The following SMYD3 variants were observed in gnomAD, a reference collection of about 807,000 sequenced individuals.
The protein encoded by SMYD3 is SET and MYND domain containing 3.
Under a neutral mutation model 57.7 loss-of-function variants are expected in SMYD3, and 36 were observed. The observed-to-expected ratio is 0.62, with a 90% CI of 0.48 to 0.82. The LOEUF is 0.82. Among genes scored for constraint, SMYD3 ranks in the 40% least tolerant of loss-of-function variants. The pLI is 0.00. For synonymous variants in SMYD3, 211 were observed against 195.0 expected (o/e 1.08, Z -0.68); for missense variants, 515 against 538.8 (o/e 0.96, Z 0.44).
intron 3 of SMYD3, 130 bp from the exon 4 acceptor site, chr1:246,330,667 A>G: frequency 1.6e-6 from 1 of 615,904 alleles, no homozygotes. Flanking sequence ...TATTCTTTCT[A>G]TTCATCACTC....
chr1:246,426,506 T>C (rs569202776), intron 1 of SMYD3, among the ~76,000 whole-genome samples: 4 of 152,250 alleles, frequency 2.6e-5, no homozygotes, highest in Non-Finnish European at 5.9e-5. Context: ...TAACGAATCA[T>C]ATGACATGCG....
At chr1:245,890,117 C>T (rs929062074) in intron 8 of SMYD3, among the ~76,000 whole-genome samples, 1 of 152,118 alleles carries the variant, frequency 6.6e-6, no homozygotes. Flanking sequence ...GACCCTCAAA[C>T]TACGAAACTA....
intron 5 of SMYD3, among the ~76,000 whole-genome samples, chr1:246,283,506 C>A (rs1317590426): frequency 6.6e-6 from 1 of 152,126 alleles, no homozygotes; most frequent in Non-Finnish European, 1.5e-5. Flanking sequence ...CCCCTGCCTG[C>A]CAATAATCAG....
chr1:246,316,014 T>A (rs1236419472), intron 5 of SMYD3, among the ~76,000 whole-genome samples: 1 of 152,160 alleles, frequency 6.6e-6, no homozygotes, highest in Non-Finnish European at 1.5e-5. Flanking sequence ...TAATATTATA[T>A]CTCTAAAACA....
At chr1:246,311,199 G>C (rs1419607918) in intron 5 of SMYD3, among the ~76,000 whole-genome samples, 1 of 152,082 alleles carries the variant, frequency 6.6e-6, no homozygotes, top group Non-Finnish European at 1.5e-5. Flanking sequence ...TAAACTAAAA[G>C]ATAATTTTTA....
intron 2 of SMYD3, among the ~76,000 whole-genome samples, chr1:246,343,085 G>A (rs138703859): frequency 2.0e-5 from 3 of 152,152 alleles, no homozygotes; most frequent in East Asian, 1.9e-4. Flanking sequence ...GAACACATAC[G>A]ACAAAAATCA....
chr1:246,262,060 A>G (rs1047444881), intron 5 of SMYD3, among the ~76,000 whole-genome samples: 1 of 152,222 alleles, frequency 6.6e-6, no homozygotes, highest in Non-Finnish European at 1.5e-5. Flanking sequence ...CTATTGTTAC[A>G]GAGGGCAACT....
At chr1:246,321,653 C>T (rs771211454) in intron 5 of SMYD3, 11 of 152,124 alleles carry the variant, frequency 7.2e-5, no homozygotes, top group African/African-American at 1.4e-4. Context: ...TTCTGAGTTT[C>T]GAAGGATATA....
intron 5 of SMYD3, among the ~76,000 whole-genome samples, chr1:246,048,245 A>C (rs1478805655): frequency 6.6e-6 from 1 of 152,246 alleles, no homozygotes; most frequent in Non-Finnish European, 1.5e-5. Flanking sequence ...TTTCATTTCA[A>C]GCATTTCACT....
chr1:246,217,417 G>A (rs1156484387), intron 5 of SMYD3, among the ~76,000 whole-genome samples: 1 of 152,104 alleles, frequency 6.6e-6, no homozygotes, highest in African/African-American at 2.4e-5. Flanking sequence ...GCTGGGATGG[G>A]AGGATCGCTC....
chr1:246,013,007 T>A (rs2059311202), intron 5 of SMYD3, among the ~76,000 whole-genome samples: 1 of 151,752 alleles, frequency 6.6e-6, no homozygotes, highest in Non-Finnish European at 1.5e-5. Flanking sequence ...CAGAAACAGG[T>A]CTTACATTCC....
chr1:246,155,042 A>C (rs553316809), intron 5 of SMYD3, among the ~76,000 whole-genome samples: 34 of 152,168 alleles, frequency 2.2e-4, no homozygotes, highest in Admixed American at 1.9e-3. Context: ...CGGCCTCCCA[A>C]AGTGCTGGGA....
intron 5 of SMYD3, among the ~76,000 whole-genome samples, chr1:246,184,374 A>G (rs2062599846): frequency 6.6e-6 from 1 of 152,196 alleles, no homozygotes; most frequent in Non-Finnish European, 1.5e-5. Context: ...TATAATTAGT[A>G]TCTTCTAATT....
intron 3 of SMYD3, among the ~76,000 whole-genome samples, chr1:246,333,261 G>A (rs950796664): frequency 2.0e-5 from 3 of 152,206 alleles, no homozygotes; most frequent in Non-Finnish European, 4.4e-5. Flanking sequence ...AGTAGAGGAA[G>A]TAAGTGTAGA....
chr1:246,125,524 CAAAT>C (rs1218972603), intron 5 of SMYD3, among the ~76,000 whole-genome samples: 1 of 128,614 alleles, frequency 7.8e-6, no homozygotes, highest in African/African-American at 3.8e-5. Context: ...GAGGAATAAA[CAAAT>C]AAAATTTAAA....
intron 1 of SMYD3, among the ~76,000 whole-genome samples, chr1:246,410,181 G>T (rs2066940810): frequency 6.6e-6 from 1 of 152,082 alleles, no homozygotes; most frequent in African/African-American, 2.4e-5. Context: ...CTGCCTGACT[G>T]CCCTGGCCAG....
chr1:246,403,520 C>G (rs1011118084), intron 1 of SMYD3, among the ~76,000 whole-genome samples: 1 of 152,172 alleles, frequency 6.6e-6, no homozygotes, highest in Admixed American at 6.5e-5. Context: ...TATATCCTAT[C>G]TTCCTAGTTC....
intron 5 of SMYD3, among the ~76,000 whole-genome samples, chr1:246,170,046 C>T (rs762961872): frequency 9.9e-5 from 15 of 151,970 alleles, no homozygotes; most frequent in Non-Finnish European, 1.9e-4. Context: ...GAGTCTGCAT[C>T]GTTCTTGGTT....
intron 5 of SMYD3, among the ~76,000 whole-genome samples, chr1:246,233,202 T>C (rs1166972928): frequency 2.8e-4 from 15 of 54,306 alleles, no homozygotes; most frequent in African/African-American, 4.0e-4. Context: ...AAGCACTCCT[T>C]CAATTCACAC....
Sources: gnomAD v4.1 joint callset for allele counts (sites outside exome capture counted in the v4.1 genomes callset) on GRCh38, gnomAD v4.1.1 for gene constraint, MANE v1.5 for transcripts, NCBI Gene and HGNC (gene_info 2026-07-23, HGNC 2026-07-21) for gene names.